Variants in ODF2 observed in about 807,000 individuals in gnomAD.
ODF2 encodes the protein outer dense fiber of sperm tails 2, also known as outer dense fiber protein 2.
Under a neutral mutation model 110.2 loss-of-function variants are expected in ODF2, and 47 were observed. That is an observed-to-expected ratio of 0.43 (90% CI 0.34 to 0.54). The LOEUF (loss-of-function observed/expected upper bound fraction) is 0.54. Ranked by LOEUF, ODF2 falls within the 20% of genes least tolerant of loss-of-function variation. The pLI is 0.03. For synonymous variants in ODF2, 352 were observed against 397.7 expected, an observed-to-expected ratio of 0.89 and a Z score of 1.37; for missense variants, 812 against 1,054.5, an observed-to-expected ratio of 0.77 and a Z score of 3.19.
intron 4 of ODF2, among the ~76,000 whole-genome samples, chr9:128,462,549 G>A (rs530622778): frequency 3.3e-5 from 5 of 151,920 alleles, no homozygotes; most frequent in East Asian, 1.9e-4. Flanking sequence ...GTAATTTTTC[G>A]TCTAGGAAGT....
At chr9:128,465,197 G>C (rs1837520622) in intron 4 of ODF2, among the ~76,000 whole-genome samples, 1 of 152,184 alleles carries the variant, frequency 6.6e-6, no homozygotes, top group Non-Finnish European at 1.5e-5. Context: ...TGTCTTTTCT[G>C]CTTTCATTCT....
intron 9 of ODF2, 62 bp downstream of exon 9, chr9:128,481,713 C>A: frequency 2.2e-6 from 3 of 1,357,502 alleles, no homozygotes; most frequent in Non-Finnish European, 3.1e-6. Flanking sequence ...CGTTCCACTA[C>A]AAAGTGTAGA....
At chr9:128,499,159 T>C (rs546524796) in intron 20 of ODF2, 33 bp downstream of exon 20, 1 of 1,613,228 alleles carries the variant, frequency 6.2e-7, no homozygotes, top group East Asian at 2.2e-5. Flanking sequence ...GCTAGGAGAG[T>C]GGGCAGCAGA....
chr9:128,480,352 AGC>A (rs1842162596), intron 8 of ODF2, among the ~76,000 whole-genome samples: 1 of 152,242 alleles, frequency 6.6e-6, no homozygotes, highest in African/African-American at 2.4e-5. Context: ...ACCTCAATCA[AGC>A]TGATTAACAC....
intron 13 of ODF2, among the ~76,000 whole-genome samples, chr9:128,487,333 C>T (rs75642202): frequency 1.0e-3 from 153 of 152,210 alleles, no homozygotes; most frequent in African/African-American, 3.5e-3. Context: ...TCTTAACGGA[C>T]GTCGTTCAGA....
exon 6 of ODF2, chr9:128,471,383 G>T (rs770568001): frequency 6.2e-7 from 1 of 1,613,352 alleles, no homozygotes; most frequent in South Asian, 1.1e-5. Flanking sequence ...GGAGGAGGTG[G>T]CCCACGAACT....
chr9:128,467,943 C>T (rs979716387), intron 4 of ODF2, among the ~76,000 whole-genome samples: 3 of 152,110 alleles, frequency 2.0e-5, no homozygotes, highest in African/African-American at 7.2e-5. Context: ...GATCCGCCCG[C>T]CTTGGCCTCC....
chr9:128,483,233 A>G (rs1446493607), intron 10 of ODF2, among the ~76,000 whole-genome samples: 1 of 151,996 alleles, frequency 6.6e-6, no homozygotes, highest in African/African-American at 2.4e-5. Context: ...TATAATGGAT[A>G]TGCAGAGAGC....
chr9:128,494,895 C>G lies in ODF2; in HGVS notation c.1911+227C>G. On this transcript the variant is annotated intron_variant, in intron 17 of 20. Transcript: ENST00000604420. The surrounding 1 kb of genome is among the most constrained non-coding windows in gnomAD (Gnocchi z 4.6). ...AGGAGCCGTCACTTGCGTGGAGTCA[C>G]TGGGCCCTCCTGCTGTTGCCCCCAC... 7.1e-7 allele frequency: 1 copy of G among 1,405,558 alleles called. No individual in the cohort carries two copies. The highest frequency in any genetic ancestry group is 9.4e-7 in the Non-Finnish European group (1 of 1,066,712). The allele number at this position is 1,405,558 out of a possible 1,614,324, so 87.1% of individuals were successfully genotyped here. A position where few individuals can be genotyped will look rare whatever the true frequency, so the allele number is the denominator to read the frequency against.
chr9:128,474,692 G>T (rs1564487465), intron 8 of ODF2, among the ~76,000 whole-genome samples: 1 of 151,744 alleles, frequency 6.6e-6, no homozygotes, highest in Admixed American at 6.6e-5. Context: ...GCCAGGTGCG[G>T]TGGCTCATGC....
At chr9:128,475,297 CTGGAACCAGTCCTCCA>C (rs1454990469) in intron 8 of ODF2, among the ~76,000 whole-genome samples, 1 of 151,922 alleles carries the variant, frequency 6.6e-6, no homozygotes, top group Non-Finnish European at 1.5e-5. Context: ...ACAGAATGTC[CTGGAACCAGTCCTCCA>C]TGAATACCAA....
chr9:128,465,855 C>T (rs1463642504), intron 4 of ODF2, among the ~76,000 whole-genome samples: 2 of 151,462 alleles, frequency 1.3e-5, no homozygotes, highest in Non-Finnish European at 2.9e-5. Context: ...TTGAAAAGTA[C>T]AGGCCCAGGA....
chr9:128,456,627 T>TG (rs1213665070), intron 1 of ODF2: 12 of 1,503,344 alleles, frequency 8.0e-6, no homozygotes, highest in Non-Finnish European at 1.1e-5. Flanking sequence ...CTCGCTCTGC[T>TG]GCCCGTCGGC....
intron 7 of ODF2, chr9:128,473,337 C>T: frequency 1.2e-6 from 1 of 837,070 alleles, no homozygotes; most frequent in Non-Finnish European, 1.4e-6. Flanking sequence ...TCTTGTCATC[C>T]TCCTTTGCTT....
intron 12 of ODF2, 69 bp downstream of exon 12, chr9:128,484,955 C>A: frequency 2.1e-6 from 3 of 1,459,130 alleles, no homozygotes; most frequent in Non-Finnish European, 2.8e-6. Flanking sequence ...GAGGGGTGGT[C>A]AGCCAGATGG....
At chr9:128,496,083 C>T (rs747230401) in exon 18 of ODF2, 5 of 1,613,904 alleles carry the variant, frequency 3.1e-6, no homozygotes, top group Non-Finnish European at 4.2e-6. Flanking sequence ...GAGAGAGAAA[C>T]ATCAGGCTTC....
intron 6 of ODF2, among the ~76,000 whole-genome samples, chr9:128,472,644 A>G (rs1408908031): frequency 6.6e-6 from 1 of 152,230 alleles, no homozygotes; most frequent in Non-Finnish European, 1.5e-5. Flanking sequence ...GGGGCAGTGC[A>G]GAGATGACAA....
intron 10 of ODF2, 94 bp from the exon 11 acceptor site, chr9:128,483,844 C>T: frequency 3.5e-6 from 3 of 845,680 alleles, no homozygotes; most frequent in Non-Finnish European, 6.1e-6. Flanking sequence ...TGAGATTGCG[C>T]CACTGCACTC....
At chr9:128,500,223 T>C (rs1395054995) in exon 21 of ODF2, 7 of 1,614,012 alleles carry the variant, frequency 4.3e-6, no homozygotes, top group Non-Finnish European at 5.9e-6. Flanking sequence ...CCTGACTAGC[T>C]CTCCCATCCG....
Sources: allele counts gnomAD v4.1 joint callset (sites outside exome capture counted in the v4.1 genomes callset), GRCh38; gene constraint gnomAD v4.1.1; non-coding constraint Gnocchi (gnomAD v3.1); transcripts MANE v1.5; gene names NCBI Gene and HGNC (gene_info 2026-07-23, HGNC 2026-07-21).